CEP128: variants seen among roughly 807,000 people sequenced by gnomAD.
CEP128 encodes centrosomal protein 128.
In CEP128, 132 loss-of-function variants were observed where a neutral mutation model predicts 156.7. The ratio of observed to expected loss-of-function variants is 0.84; its 90% confidence interval spans 0.73 to 0.97. The LOEUF (loss-of-function observed/expected upper bound fraction) is 0.97. CEP128 is among the 50% of genes least tolerant of loss of function. The pLI is 0.00. For synonymous variants in CEP128, 469 were observed against 448.9 expected (o/e 1.04, Z -0.57); for missense variants, 1,252 against 1,281.9 (o/e 0.98, Z 0.36).
chr14:80,837,266 A>G (rs1385336485), intron 11 of CEP128, among the ~76,000 whole-genome samples: 9 of 152,248 alleles, frequency 5.9e-5, no homozygotes, highest in Non-Finnish European at 1.0e-4. Context: ...AGAAGAAAGT[A>G]TAATTGCAGT....
At chr14:80,899,003 TCCTCATCCATAAAATAGAGAAA>T (rs1213425412) in intron 7 of CEP128, among the ~76,000 whole-genome samples, 7 of 152,140 alleles carry the variant, frequency 4.6e-5, no homozygotes, top group African/African-American at 1.7e-4. Context: ...TGTGCCCATT[TCCTCATCCATAAAATAGAGAAA>T]AAAATAATGA....
intron 16 of CEP128, among the ~76,000 whole-genome samples, chr14:80,777,391 C>G (rs1390700918): frequency 6.6e-6 from 1 of 152,212 alleles, no homozygotes; most frequent in Non-Finnish European, 1.5e-5. Flanking sequence ...TCACCAGACA[C>G]TGATTCTGCC....
At chr14:80,598,132 T>G (rs1412683609) in intron 19 of CEP128, among the ~76,000 whole-genome samples, 2 of 151,654 alleles carry the variant, frequency 1.3e-5, no homozygotes, top group Non-Finnish European at 2.9e-5. Flanking sequence ...GCATAGAGAT[T>G]GGAAGCAAAG....
intron 19 of CEP128, among the ~76,000 whole-genome samples, chr14:80,689,141 AG>A (rs1224034791): frequency 5.9e-5 from 9 of 152,068 alleles, no homozygotes; most frequent in African/African-American, 2.2e-4. Context: ...ACTTGAGATC[AG>A]GAATTCAAGA....
At chr14:80,677,803 T>A (rs1412875416) in intron 19 of CEP128, among the ~76,000 whole-genome samples, 2 of 151,818 alleles carry the variant, frequency 1.3e-5, no homozygotes, top group Admixed American at 6.6e-5. Context: ...AAAACCTTAA[T>A]TGTAATTGGA....
At chr14:80,869,337 C>A (rs921395602) in intron 8 of CEP128, among the ~76,000 whole-genome samples, 4 of 151,886 alleles carry the variant, frequency 2.6e-5, no homozygotes, top group African/African-American at 7.2e-5. Context: ...AATTAAACTA[C>A]ACAATTCTGA....
At chr14:80,861,139 T>C (rs1483080417) in intron 9 of CEP128, among the ~76,000 whole-genome samples, 1 of 152,032 alleles carries the variant, frequency 6.6e-6, no homozygotes, top group South Asian at 2.1e-4. Context: ...GAAGGAATCA[T>C]AAAAAAATTT....
At chr14:80,838,989 C>T (rs1002273391) in intron 10 of CEP128, among the ~76,000 whole-genome samples, 2 of 152,142 alleles carry the variant, frequency 1.3e-5, no homozygotes, top group South Asian at 4.1e-4. Context: ...ATCCCAGCTA[C>T]TCGGGAGGCT....
At chr14:80,616,632 G>A (rs998229463) in intron 19 of CEP128, among the ~76,000 whole-genome samples, 7 of 152,246 alleles carry the variant, frequency 4.6e-5, no homozygotes, top group Admixed American at 1.3e-4. Context: ...GAAGGGTCAC[G>A]GAATATGTCC....
intron 17 of CEP128, among the ~76,000 whole-genome samples, chr14:80,759,746 T>C (rs927184066): frequency 6.6e-6 from 1 of 152,112 alleles, no homozygotes; most frequent in African/African-American, 2.4e-5. Flanking sequence ...TGAAAGCCTA[T>C]AAAAAATTGG....
intron 20 of CEP128, among the ~76,000 whole-genome samples, chr14:80,559,820 C>T (rs1469489856): frequency 2.0e-5 from 3 of 152,130 alleles, no homozygotes; most frequent in African/African-American, 7.2e-5. Context: ...AAAGATATGG[C>T]ACATGCAGCC....
chr14:80,674,021 T>G (rs1419282474), intron 19 of CEP128, among the ~76,000 whole-genome samples: 3 of 151,872 alleles, frequency 2.0e-5, no homozygotes, highest in African/African-American at 4.8e-5. Context: ...CAATCACCTT[T>G]CGTTTCTTAG....
Position 80,512,223 on chromosome 14 carries a change from A to T in CEP128, c.3073-7203T>A, listed in dbSNP as rs542833175. ...GTATCTTTCTCTCTCTTTAGCTCCA[A>T]TAATATTGGCTTTATATATCTGGGT... On this transcript the variant is annotated intron_variant, in intron 23 of 24. Coordinates refer to ENST00000555265, the MANE Select transcript of CEP128 (RefSeq NM_152446.5). 3.3e-5 allele frequency among the ~76,000 whole-genome samples: 5 copies of T among 152,128 alleles called. No individual in the cohort carries two copies. In the South Asian group the frequency reaches 1.0e-3, roughly 32 times the overall value.
intron 19 of CEP128, among the ~76,000 whole-genome samples, chr14:80,710,106 T>C (rs1897349840): frequency 1.3e-5 from 2 of 152,140 alleles, no homozygotes; most frequent in African/African-American, 2.4e-5. Flanking sequence ...CTACAACTAT[T>C]TGCAAAATAC....
At chr14:80,926,167 C>A (rs1885133829) in intron 2 of CEP128, among the ~76,000 whole-genome samples, 1 of 152,104 alleles carries the variant, frequency 6.6e-6, no homozygotes, top group Non-Finnish European at 1.5e-5. Context: ...TGTGCTATAG[C>A]CACAGGCACA....
chr14:80,526,050 G>T, intron 23 of CEP128, among the ~76,000 whole-genome samples: 1 of 151,962 alleles, frequency 6.6e-6, no homozygotes, highest in Non-Finnish European at 1.5e-5. Context: ...CTCTCTCTGG[G>T]TCAGCATTCT....
intron 19 of CEP128, among the ~76,000 whole-genome samples, chr14:80,655,051 CCTTTT>C (rs1210028819): frequency 6.6e-6 from 1 of 152,072 alleles, no homozygotes; most frequent in African/African-American, 2.4e-5. Context: ...GATGCCAATT[CCTTTT>C]AATTCTTTGT....
intron 9 of CEP128, among the ~76,000 whole-genome samples, chr14:80,846,598 T>C (rs985858310): frequency 1.3e-5 from 2 of 152,102 alleles, no homozygotes; most frequent in Non-Finnish European, 2.9e-5. Context: ...TAAGATAACA[T>C]ACATGGTAGA....
rs1899696405 is a variant in CEP128 at position 80,756,967 on chromosome 14, C to T, written c.2554-16G>A. The T allele has an allele frequency of 6.5e-7, 1 of 1,529,594 alleles. No homozygotes were observed. The highest frequency in any genetic ancestry group is 1.4e-5 in the African/African-American group (1 of 72,822). 94.8% of individuals were successfully genotyped at this position (1,529,594 alleles called of 1,614,324 possible). A position where few individuals can be genotyped will look rare whatever the true frequency, so the allele number is the denominator to read the frequency against. On this transcript the variant is annotated splice_polypyrimidine_tract_variant and intron_variant, in intron 17 of 24. Transcript: ENST00000555265. ...ATGAAAAAACCTACAAAAGAGAAAA[C>T]AGTCGATTAGAAATACATTTTTCTC...
Sources: gnomAD v4.1 joint callset for allele counts (sites outside exome capture counted in the v4.1 genomes callset) on GRCh38, gnomAD v4.1.1 for gene constraint, MANE v1.5 for transcripts, NCBI Gene and HGNC (gene_info 2026-07-23, HGNC 2026-07-21) for gene names.